SRGAP1: variants seen among roughly 807,000 people sequenced by gnomAD.
The protein encoded by SRGAP1 is SLIT-ROBO Rho GTPase-activating protein 1.
SRGAP1 carries 43 observed loss-of-function variants against 121.9 expected under a neutral mutation model. That is an observed-to-expected ratio of 0.35 (90% CI 0.28 to 0.46). SRGAP1 has a LOEUF of 0.46. Ranked by LOEUF, SRGAP1 falls within the 20% of genes least tolerant of loss-of-function variation. The probability of loss-of-function intolerance (pLI) is 1.00; values close to 1 mark genes in which losing one functional copy is unlikely to be tolerated. For synonymous variants in SRGAP1, 447 were observed against 485.4 expected (o/e 0.92, Z 1.04); for missense variants, 1,102 against 1,350.9 (o/e 0.82, Z 2.89).
intron 3 of SRGAP1, among the ~76,000 whole-genome samples, chr12:64,003,023 T>TGAGAGAGAGAGA (rs141854046): frequency 9.4e-6 from 1 of 106,818 alleles, no homozygotes; most frequent in African/African-American, 3.6e-5. Flanking sequence ...TGTATGTGAG[T>TGAGAGAGAGAGA]GAGAGAGAGA....
chr12:64,037,009 G>T (rs112683789), intron 4 of SRGAP1, among the ~76,000 whole-genome samples: 3,044 of 152,292 alleles, frequency 0.02, 93 homozygotes, highest in African/African-American at 0.069. Flanking sequence ...TGAATGAAGA[G>T]CTGTCTTGAA....
intron 8 of SRGAP1, among the ~76,000 whole-genome samples, chr12:64,070,044 A>AG (rs2035612522): frequency 6.6e-6 from 1 of 152,150 alleles, no homozygotes; most frequent in Non-Finnish European, 1.5e-5. Flanking sequence ...CACATTACTC[A>AG]TTTCAGCCAC....
chr12:64,093,088 A>G (rs950113682), intron 12 of SRGAP1, among the ~76,000 whole-genome samples: 2 of 152,106 alleles, frequency 1.3e-5, no homozygotes, highest in Non-Finnish European at 2.9e-5. Flanking sequence ...AATCTCCACA[A>G]TGTCACTGTG....
chr12:64,092,895 A>G (rs1423424772), intron 12 of SRGAP1, among the ~76,000 whole-genome samples: 2 of 152,162 alleles, frequency 1.3e-5, no homozygotes, highest in African/African-American at 4.8e-5. Context: ...TATTTTTTCA[A>G]TTTTTCATTA....
chr12:64,109,732 G>T (rs1220751247), intron 16 of SRGAP1, among the ~76,000 whole-genome samples: 1 of 152,188 alleles, frequency 6.6e-6, no homozygotes, highest in Non-Finnish European at 1.5e-5. Context: ...AGAAATGCAG[G>T]GGGAATCAAC....
intron 1 of SRGAP1, among the ~76,000 whole-genome samples, chr12:63,958,045 A>T (rs1320286943): frequency 6.8e-6 from 1 of 147,208 alleles, no homozygotes; most frequent in African/African-American, 2.6e-5. Flanking sequence ...AAGTCTTTGA[A>T]ACTAGCTTCT....
chr12:63,987,513 A>G (rs936197985), intron 2 of SRGAP1, among the ~76,000 whole-genome samples: 4 of 152,146 alleles, frequency 2.6e-5, no homozygotes, highest in Admixed American at 6.5e-5. Context: ...ACCTGAGGTC[A>G]GGAGTTCAAG....
chr12:63,937,967 A>C (rs2031725427), intron 1 of SRGAP1, among the ~76,000 whole-genome samples: 1 of 152,252 alleles, frequency 6.6e-6, no homozygotes, highest in Non-Finnish European at 1.5e-5. Context: ...ACACAGCAGC[A>C]GGCAGCCCTG....
chr12:64,057,150 G>A (rs889404702), intron 6 of SRGAP1, among the ~76,000 whole-genome samples: 1 of 152,054 alleles, frequency 6.6e-6, no homozygotes, highest in Admixed American at 6.6e-5. Flanking sequence ...ATTGGCTGAG[G>A]CACATGCAAC....
chr12:64,080,411 A>G, intron 10 of SRGAP1, 41 bp downstream of exon 10: 1 of 1,401,672 alleles, frequency 7.1e-7, no homozygotes, highest in Non-Finnish European at 1.0e-6. Flanking sequence ...CCTGGATGAT[A>G]CATCGTATCA....
intron 4 of SRGAP1, among the ~76,000 whole-genome samples, chr12:64,022,896 G>C (rs1252495340): frequency 1.3e-5 from 2 of 152,178 alleles, no homozygotes; most frequent in African/African-American, 4.8e-5. Flanking sequence ...TGAAGAGAGA[G>C]AGAGGGGCCA....
At chr12:64,112,188 T>A (rs2036440650) in intron 17 of SRGAP1, among the ~76,000 whole-genome samples, 1 of 152,218 alleles carries the variant, frequency 6.6e-6, no homozygotes, top group Non-Finnish European at 1.5e-5. Context: ...CAAGGACTCT[T>A]ATCTTTCAAA....
Position 64,158,015 on chromosome 12 carries a change from A to C in SRGAP1, c.*15343A>C, listed in dbSNP as rs2037178000. The stretch of plus-strand genomic sequence containing the variant: ...GAGGAGACATGAATCACTACTGTAC[A>C]TGTCCAAGTCACATGGCAAGGGAGG... On this transcript the variant is annotated 3_prime_UTR_variant, in exon 22 of 22. Coordinates refer to ENST00000355086, the MANE Select transcript of SRGAP1 (RefSeq NM_020762.4). The C allele has an allele frequency of 6.6e-6, 1 of 152,240 alleles. No individual in the cohort carries two copies. The highest frequency in any genetic ancestry group is 2.1e-4 in the South Asian group (1 of 4,834). The allele number at this position is 152,240 out of a possible 1,614,324, so 9.4% of individuals were successfully genotyped here.
At position 64,099,480 on chromosome 12, in the gene SRGAP1, C is replaced by A. The variant is rs143747994; in HGVS notation, c.1813+2105C>A. On this transcript the variant is annotated intron_variant, in intron 15 of 21. Transcript: ENST00000355086. ...AAAAGTCAAGATTCCACCACGAGTT[C>A]TTTGTCTGGCATCAGTGCCTAGAGT... Among the ~76,000 whole-genome samples the A allele has an allele frequency of 2.1e-3, 324 of 152,252 alleles. 6 individuals are homozygous for A. The East Asian group carries it at 0.046, about 22-fold the overall frequency.
chr12:64,139,956 A>G (rs1388959854), intron 21 of SRGAP1, among the ~76,000 whole-genome samples: 1 of 151,776 alleles, frequency 6.6e-6, no homozygotes, highest in Non-Finnish European at 1.5e-5. Flanking sequence ...AGCTTTCTCC[A>G]TATGGCTAGC....
At chr12:64,004,634 T>C (rs1484742734) in intron 3 of SRGAP1, among the ~76,000 whole-genome samples, 1 of 152,168 alleles carries the variant, frequency 6.6e-6, no homozygotes, top group Admixed American at 6.5e-5. Flanking sequence ...CCTCCCAAAG[T>C]GCTGGGAATA....
chr12:63,940,252 G>A (rs1471273157), intron 1 of SRGAP1, among the ~76,000 whole-genome samples: 2 of 151,970 alleles, frequency 1.3e-5, no homozygotes, highest in Non-Finnish European at 2.9e-5. Flanking sequence ...GTGACCCATG[G>A]CACCTGGCCT....
intron 1 of SRGAP1, among the ~76,000 whole-genome samples, chr12:63,972,230 A>G (rs1274252313): frequency 6.6e-6 from 1 of 152,222 alleles, no homozygotes; most frequent in Non-Finnish European, 1.5e-5. Context: ...AAAGAAAATT[A>G]AGTGAAATGA....
intron 14 of SRGAP1, among the ~76,000 whole-genome samples, chr12:64,095,451 G>A (rs982544598): frequency 1.3e-5 from 2 of 152,168 alleles, no homozygotes; most frequent in African/African-American, 4.8e-5. Flanking sequence ...GATAATCGGT[G>A]CCAGGTATAG....
Sources: allele counts gnomAD v4.1 joint callset (sites outside exome capture counted in the v4.1 genomes callset), GRCh38; gene constraint gnomAD v4.1.1; transcripts MANE v1.5; gene names NCBI Gene and HGNC (gene_info 2026-07-23, HGNC 2026-07-21).